SIMC1: variants seen among roughly 807,000 people sequenced by gnomAD.
SIMC1 encodes SUMO interacting motifs containing 1, also known as SUMO-interacting motif-containing protein 1.
A neutral mutation model predicts 82.3 loss-of-function variants in SIMC1; 55 were observed. The ratio of observed to expected loss-of-function variants is 0.67; its 90% CI spans 0.54 to 0.84. The LOEUF is 0.84. Among genes scored for constraint, SIMC1 ranks in the 40% least tolerant of loss-of-function variants. The pLI is 0.00. For synonymous variants in SIMC1, 353 were observed against 426.3 expected, an observed-to-expected ratio of 0.83 and a Z score of 2.12; for missense variants, 915 against 1,107.2, an observed-to-expected ratio of 0.83 and a Z score of 2.46.
intron 1 of SIMC1, among the ~76,000 whole-genome samples, chr5:176,248,560 A>C (rs1034848119): frequency 5.3e-5 from 8 of 152,120 alleles, no homozygotes; most frequent in African/African-American, 1.9e-4. Context: ...AAACAGAGAT[A>C]GTTTGACTTC....
chr5:176,304,436 ACCTCGGCCT>A (rs2113308659), intron 4 of SIMC1: 1 of 175,798 alleles, frequency 5.7e-6, no homozygotes, highest in Admixed American at 6.4e-5. Context: ...TGATCTGCCA[ACCTCGGCCT>A]CCCGAGGTGC....
chr5:176,288,205 C>T (rs76077698), intron 1 of SIMC1, among the ~76,000 whole-genome samples: 2 of 152,224 alleles, frequency 1.3e-5, no homozygotes, highest in South Asian at 2.1e-4. Context: ...GTCAGGAGTT[C>T]GAGACCAGCC....
intron 1 of SIMC1, among the ~76,000 whole-genome samples, chr5:176,286,254 A>C (rs1284265650): frequency 6.6e-6 from 1 of 152,282 alleles, no homozygotes; most frequent in Non-Finnish European, 1.5e-5. Context: ...AGGCTACAGT[A>C]AACAAAACAG....
chr5:176,275,529 G>C (rs962921254), intron 1 of SIMC1, among the ~76,000 whole-genome samples: 2 of 151,854 alleles, frequency 1.3e-5, no homozygotes, highest in African/African-American at 4.8e-5. Flanking sequence ...AGTGGTGAGA[G>C]AGGGCATCCC....
At chr5:176,252,325 C>T (rs1008054503) in intron 1 of SIMC1, among the ~76,000 whole-genome samples, 4 of 151,312 alleles carry the variant, frequency 2.6e-5, no homozygotes, top group African/African-American at 4.9e-5. Flanking sequence ...CGGGCAGAGA[C>T]GCTCCTCACT....
At chr5:176,304,366 T>G in intron 4 of SIMC1, 1 of 164,430 alleles carries the variant, frequency 6.1e-6, no homozygotes, top group South Asian at 1.1e-4. Context: ...CCTGACTGGT[T>G]TTGGTGGAGA....
At chr5:176,336,905 C>T in intron 8 of SIMC1, 29 bp downstream of exon 8, 1 of 1,613,092 alleles carries the variant, frequency 6.2e-7, no homozygotes, top group Non-Finnish European at 8.5e-7. Context: ...AATTTCAGGC[C>T]TAGAGCACCT....
chr5:176,263,431 A>G (rs1415081681), intron 1 of SIMC1: 4 of 1,544,820 alleles, frequency 2.6e-6, no homozygotes, highest in Non-Finnish European at 3.5e-6. Flanking sequence ...AACAAGAAGC[A>G]TGGCACCAGC....
At chr5:176,331,173 A>C (rs1371373887) in intron 7 of SIMC1, among the ~76,000 whole-genome samples, 3 of 151,820 alleles carry the variant, frequency 2.0e-5, no homozygotes, top group African/African-American at 7.3e-5. Flanking sequence ...GATCAATACC[A>C]TCCTGGCTAA....
At chr5:176,283,914 A>T (rs1327415854) in intron 1 of SIMC1, among the ~76,000 whole-genome samples, 1 of 152,202 alleles carries the variant, frequency 6.6e-6, no homozygotes, top group African/African-American at 2.4e-5. Context: ...AACAAAGATA[A>T]AAATAGACAA....
intron 4 of SIMC1, 159 bp from the exon 5 acceptor site, chr5:176,313,532 C>T: frequency 5.2e-6 from 8 of 1,545,244 alleles, no homozygotes; most frequent in Non-Finnish European, 7.1e-6. Flanking sequence ...CTCATAATGA[C>T]CCAGACTACC....
intron 5 of SIMC1, among the ~76,000 whole-genome samples, chr5:176,320,815 T>G (rs1184950752): frequency 6.6e-6 from 1 of 152,196 alleles, no homozygotes; most frequent in African/African-American, 2.4e-5. Context: ...GGATTCAGCT[T>G]TCTCAATTCC....
At chr5:176,241,955 T>G (rs1761289963) in intron 1 of SIMC1, among the ~76,000 whole-genome samples, 1 of 152,068 alleles carries the variant, frequency 6.6e-6, no homozygotes, top group African/African-American at 2.4e-5. Context: ...CTCTGTTTCT[T>G]GAGAGCACAT....
intron 1 of SIMC1, among the ~76,000 whole-genome samples, chr5:176,268,218 A>G (rs1424576432): frequency 9.5e-6 from 1 of 104,852 alleles, no homozygotes; most frequent in African/African-American, 3.9e-5. Flanking sequence ...TCACTAGCAT[A>G]AAGGGAGGTA....
intron 9 of SIMC1, 138 bp downstream of exon 9, chr5:176,337,284 A>G (rs1765944262): frequency 6.8e-6 from 5 of 738,260 alleles, no homozygotes; most frequent in Non-Finnish European, 8.9e-6. Context: ...ATAAGAAATG[A>G]CATAGCCGGA....
chr5:176,279,941 G>C (rs1432840085), intron 1 of SIMC1, among the ~76,000 whole-genome samples: 1 of 152,122 alleles, frequency 6.6e-6, no homozygotes, highest in Non-Finnish European at 1.5e-5. Flanking sequence ...TGAAAAAAAT[G>C]TATATTCTGT....
At chr5:176,288,423 G>GAATAAATAAATA (rs150243423) in intron 1 of SIMC1, among the ~76,000 whole-genome samples, 32,632 of 126,202 alleles carry the variant, frequency 0.26, 4,674 homozygotes, top group Middle Eastern at 0.34. Flanking sequence ...ATGAATGAAT[G>GAATAAATAAATA]AATAAATAAA....
intron 5 of SIMC1, among the ~76,000 whole-genome samples, chr5:176,314,252 G>C (rs182706361): frequency 1.3e-5 from 2 of 152,242 alleles, no homozygotes; most frequent in African/African-American, 4.8e-5. Flanking sequence ...GGGTGACAGA[G>C]CAAGACTCCA....
At chr5:176,309,430 G>A (rs923921346) in intron 4 of SIMC1, among the ~76,000 whole-genome samples, 10 of 152,140 alleles carry the variant, frequency 6.6e-5, no homozygotes, top group African/African-American at 2.4e-4. Context: ...TTTGAAAAAA[G>A]CCACAGGAGA....
Sources: allele counts gnomAD v4.1 joint callset (sites outside exome capture counted in the v4.1 genomes callset), GRCh38; gene constraint gnomAD v4.1.1; transcripts MANE v1.5; gene names NCBI Gene and HGNC (gene_info 2026-07-23, HGNC 2026-07-21).